Variants in EPB41L4A observed in about 807,000 individuals in gnomAD.
The protein encoded by EPB41L4A is erythrocyte membrane protein band 4.1 like 4A.
Under a neutral mutation model 108.6 loss-of-function variants are expected in EPB41L4A, and 100 were observed. The observed-to-expected ratio is 0.92, with a 90% CI of 0.78 to 1.09. The LOEUF (loss-of-function observed/expected upper bound fraction) is 1.09, where lower values mean the gene tolerates loss of function less well. Among genes scored for constraint, EPB41L4A ranks in the 50% least tolerant of loss-of-function variants. The pLI is 0.00. For missense variants in EPB41L4A, 1,030 were observed against 842.7 expected (o/e 1.22, Z -2.75); for synonymous variants, 319 against 289.0 (o/e 1.10, Z -1.05).
At chr5:112,168,925 G>T in intron 21 of EPB41L4A, 70 bp downstream of exon 21, 1 of 1,497,888 alleles carries the variant, frequency 6.7e-7, no homozygotes, top group Non-Finnish European at 9.3e-7. Context: ...CCATCAGCAA[G>T]TAAAGTTCTT....
chr5:112,188,608 T>G (rs1580394188), intron 17 of EPB41L4A, among the ~76,000 whole-genome samples: 2 of 152,292 alleles, frequency 1.3e-5, no homozygotes, highest in Middle Eastern at 3.4e-3. Flanking sequence ...TCTTGATATA[T>G]CCTATTAAAG....
chr5:112,146,501 C>A (rs1314601706), intron 12 of EPB41L4A, among the ~76,000 whole-genome samples: 2 of 152,182 alleles, frequency 1.3e-5, no homozygotes, highest in African/African-American at 2.4e-5. Flanking sequence ...AAGCTAACAG[C>A]AAGGTTACTG....
intron 1 of EPB41L4A, among the ~76,000 whole-genome samples, chr5:112,316,439 G>C (rs1231403816): frequency 6.6e-6 from 1 of 152,120 alleles, no homozygotes; most frequent in Non-Finnish European, 1.5e-5. Flanking sequence ...ATAAGGCAAA[G>C]TGGGCGCACG....
chr5:112,318,334 T>TC (rs1755557244), intron 1 of EPB41L4A, among the ~76,000 whole-genome samples: 1 of 152,142 alleles, frequency 6.6e-6, no homozygotes, highest in African/African-American at 2.4e-5. Flanking sequence ...AAATCAGAAT[T>TC]CCCAGAGTAG....
rs539578708 is a variant in EPB41L4A at position 112,145,359 on chromosome 5, C to A, written n.1112+522G>T. On this transcript the variant is annotated intron_variant and non_coding_transcript_variant, in intron 13 of 13. Coordinates refer to the EPB41L4A transcript ENST00000507810. ...TCTTCTGCACCACCATTTTAGAGAT[C>A]TTACTTGAAGTGCTGACTTGTCAAT... is the stretch of plus-strand genomic sequence containing the variant. Among the ~76,000 whole-genome samples, 26 of 152,288 alleles carry A rather than the reference C, an allele frequency of 1.7e-4. No homozygotes were observed. The South Asian group carries it at 3.9e-3, about 23-fold the overall frequency.
rs115861364 is a variant in EPB41L4A at position 112,294,387 on chromosome 5, T to A, written c.204+12999A>T. 2.6e-3 allele frequency among the ~76,000 whole-genome samples: 402 copies of A among 152,324 alleles called. 2 individuals carry two copies. Among genetic ancestry groups the A allele is most frequent in the African/African-American group, 8.8e-3 (365 of 41,574 alleles). On this transcript the variant is annotated intron_variant, in intron 2 of 22. Coordinates refer to ENST00000261486, the MANE Select transcript of EPB41L4A (RefSeq NM_022140.5). ...TTCTTTCACTCAGTAACATTACAGA[T>A]CACTTGTTTTGCAGTGACAGAGGTG...
At chr5:112,352,659 C>T (rs987764) in intron 1 of EPB41L4A, among the ~76,000 whole-genome samples, 101,713 of 151,768 alleles carry the variant, frequency 0.67, 34,297 homozygotes, top group South Asian at 0.82. Context: ...GTTTATCTTT[C>T]ATTCCTTTCT....
At chr5:112,263,734 GCTGA>G (rs1367138244) in intron 6 of EPB41L4A, 1 of 152,144 alleles carries the variant, frequency 6.6e-6, no homozygotes, top group East Asian at 1.9e-4. Flanking sequence ...CAATTCAGCA[GCTGA>G]CTTCTGCTTC....
At chr5:112,366,246 T>C (rs192067137) in intron 1 of EPB41L4A, among the ~76,000 whole-genome samples, 14 of 151,654 alleles carry the variant, frequency 9.2e-5, no homozygotes, top group African/African-American at 2.9e-4. Context: ...CCCAGTTTTA[T>C]TTGTTGTGGT....
chr5:112,255,516 C>T (rs2150423003), intron 9 of EPB41L4A, among the ~76,000 whole-genome samples: 1 of 152,254 alleles, frequency 6.6e-6, no homozygotes, highest in South Asian at 2.1e-4. Context: ...AATTCAGTGG[C>T]CCATTCTCAG....
chr5:112,173,109 G>A (rs1394838631), intron 18 of EPB41L4A, among the ~76,000 whole-genome samples: 1 of 152,344 alleles, frequency 6.6e-6, no homozygotes, highest in African/African-American at 2.4e-5. Flanking sequence ...CTATGGTTGG[G>A]TGGTGGAAGC....
At chr5:112,224,907 A>G (rs906551644) in intron 12 of EPB41L4A, among the ~76,000 whole-genome samples, 4 of 152,214 alleles carry the variant, frequency 2.6e-5, no homozygotes, top group African/African-American at 7.2e-5. Context: ...AGCCACCCAT[A>G]TAACAATTCT....
At chr5:112,228,483 C>T (rs1371888555) in intron 12 of EPB41L4A, 1 of 156,714 alleles carries the variant, frequency 6.4e-6, no homozygotes, top group African/African-American at 2.4e-5. Flanking sequence ...GTCATCTTAT[C>T]TTGCTTTGCA....
At chr5:112,197,427 T>C (rs1287054573) in intron 15 of EPB41L4A, among the ~76,000 whole-genome samples, 1 of 152,192 alleles carries the variant, frequency 6.6e-6, no homozygotes, top group Non-Finnish European at 1.5e-5. Flanking sequence ...TGTTCTTACA[T>C]CAAATTTTGG....
At chr5:112,262,393 G>A (rs1391363576) in intron 7 of EPB41L4A, 101 bp downstream of exon 7, 20 of 915,636 alleles carry the variant, frequency 2.2e-5, no homozygotes, top group Non-Finnish European at 3.5e-5. Flanking sequence ...TCATCTGCTT[G>A]CTAAACAACA....
At chr5:112,325,634 G>A (rs1756102745) in intron 1 of EPB41L4A, among the ~76,000 whole-genome samples, 2 of 152,148 alleles carry the variant, frequency 1.3e-5, no homozygotes. Context: ...AATGTCTTAA[G>A]AAAAGGTAAT....
chr5:112,210,005 G>C lies in EPB41L4A; in HGVS notation c.1088-23C>G, dbSNP rs1166190300. The C allele has an allele frequency of 2.2e-6, 3 of 1,366,430 alleles. No homozygotes were observed. The African/African-American group carries it at 4.3e-5, about 20-fold the overall frequency. The allele number at this position is 1,366,430 out of a possible 1,614,324, so 84.6% of individuals were successfully genotyped here. A position where few individuals can be genotyped will look rare whatever the true frequency, so the allele number is the denominator to read the frequency against. On this transcript the variant is annotated intron_variant, in intron 12 of 22. Transcript: ENST00000261486. Reference sequence around the variant, plus strand: ...ATTCTAGCAGAGGAGGAGAAGGAAAGATGGAAGAGAGAGGAAACAGTGATA... The same window carrying C: ...ATTCTAGCAGAGGAGGAGAAGGAAACATGGAAGAGAGAGGAAACAGTGATA...
At chr5:112,160,729 T>A (rs1261283820), downstream of EPB41L4A, 2 of 154,982 alleles carry the variant, frequency 1.3e-5, no homozygotes, top group African/African-American at 4.8e-5. Context: ...GGTCCCTCAC[T>A]GGCACTTCTC....
intron 1 of EPB41L4A, among the ~76,000 whole-genome samples, chr5:112,313,569 C>A (rs536076486): frequency 6.6e-6 from 1 of 152,002 alleles, no homozygotes; most frequent in African/African-American, 2.4e-5. Context: ...GCAGCCTGGG[C>A]GACAGAGCGA....
Sources: allele counts gnomAD v4.1 joint callset (sites outside exome capture counted in the v4.1 genomes callset), GRCh38; gene constraint gnomAD v4.1.1; transcripts MANE v1.5; gene names NCBI Gene and HGNC (gene_info 2026-07-23, HGNC 2026-07-21).